NEO1: variants seen among roughly 807,000 people sequenced by gnomAD.
NEO1 encodes neogenin.
Under a neutral mutation model 159.7 loss-of-function variants are expected in NEO1, and 63 were observed. The ratio of observed to expected loss-of-function variants is 0.39; its 90% CI spans 0.32 to 0.49. NEO1 has a LOEUF of 0.49. Among genes scored for constraint, NEO1 ranks in the 20% least tolerant of loss-of-function variants. The pLI, the probability that NEO1 is intolerant of heterozygous loss-of-function variation, is 0.85. For missense variants in NEO1, 1,615 were observed against 1,831.0 expected (o/e 0.88, Z 2.15); for synonymous variants, 633 against 662.0 (o/e 0.96, Z 0.67).
chr15:73,261,634 C>T (rs1410305257), intron 15 of NEO1, among the ~76,000 whole-genome samples: 1 of 152,074 alleles, frequency 6.6e-6, no homozygotes, highest in East Asian at 1.9e-4. Flanking sequence ...AATATCTGTG[C>T]ACTGAAAATA....
Position 73,236,456 on chromosome 15 carries a change from C to G in NEO1, c.1401C>G (p.His467Gln). 1.2e-6 allele frequency: 2 copies of G among 1,614,110 alleles called. No individual in the cohort carries two copies. The highest frequency in any genetic ancestry group is 1.7e-6 in the Non-Finnish European group (2 of 1,180,006). ...LTWRTPASDP[H>Q]GDNLTYSVFY... ...GGCGGACACCTGCATCAGATCCTCA[C>G]GGAGACAACCTTACCTACTCTGTGT... The change falls in exon 8 of 29, where the codon CAC (histidine) becomes CAG (glutamine). Residue 467 changes from histidine (H) to glutamine (Q), a missense_variant. By Grantham distance (24) the His-to-Gln change is conservative. This residue lies in a region of NEO1 where 1,018 missense variants were observed against 1,115.4 expected (regional missense o/e 0.91). Coordinates refer to ENST00000261908, the MANE Select transcript of NEO1 (RefSeq NM_002499.4).
intron 4 of NEO1, among the ~76,000 whole-genome samples, chr15:73,127,245 G>A (rs866230919): frequency 3.6e-4 from 50 of 138,840 alleles, no homozygotes; most frequent in African/African-American, 4.6e-4. Context: ...AAAAAAAAAA[G>A]AAACTGTATT....
intron 4 of NEO1, among the ~76,000 whole-genome samples, chr15:73,130,178 T>C (rs573243776): frequency 6.6e-6 from 1 of 152,242 alleles, no homozygotes; most frequent in South Asian, 2.1e-4. Flanking sequence ...TTCACCATGT[T>C]GGCCAGGCTG....
chr15:73,172,018 T>G (rs1596249304), intron 5 of NEO1, among the ~76,000 whole-genome samples: 1 of 152,270 alleles, frequency 6.6e-6, no homozygotes, highest in East Asian at 1.9e-4. Context: ...CTTATAGAGG[T>G]ACTCATTTAT....
intron 1 of NEO1, among the ~76,000 whole-genome samples, chr15:73,056,155 C>G (rs1176607717): frequency 1.3e-5 from 2 of 152,198 alleles, no homozygotes; most frequent in Non-Finnish European, 2.9e-5. Context: ...TACCTCTGTT[C>G]TCCCAAACCC....
chr15:73,065,230 TTTAG>T (rs888283455), intron 1 of NEO1, among the ~76,000 whole-genome samples: 25 of 152,324 alleles, frequency 1.6e-4, no homozygotes, highest in African/African-American at 6.0e-4. Flanking sequence ...TTCATTTAGT[TTTAG>T]TTATTTAAAT....
At chr15:73,227,220 G>C (rs1041257612) in intron 7 of NEO1, among the ~76,000 whole-genome samples, 1 of 152,186 alleles carries the variant, frequency 6.6e-6, no homozygotes, top group Non-Finnish European at 1.5e-5. Flanking sequence ...GTCAGGCCGG[G>C]CGCAGTGGCT....
chr15:73,267,384 AT>A (rs943835730), intron 16 of NEO1, among the ~76,000 whole-genome samples: 16 of 152,144 alleles, frequency 1.1e-4, no homozygotes, highest in Admixed American at 2.6e-4. Context: ...AGAGTTATAA[AT>A]TTTTTTTCTT....
At chr15:73,259,078 C>T (rs2040497115) in intron 14 of NEO1, 1 of 500,654 alleles carries the variant, frequency 2.0e-6, no homozygotes, top group Non-Finnish European at 3.6e-6. Context: ...TCCTTTCAAG[C>T]AGAACTAGAG....
intron 7 of NEO1, among the ~76,000 whole-genome samples, chr15:73,215,934 A>AT (rs887548347): frequency 2.0e-5 from 3 of 150,910 alleles, no homozygotes; most frequent in Non-Finnish European, 4.4e-5. Flanking sequence ...TTTGTTGGTA[A>AT]TTTTTTTTTA....
intron 1 of NEO1, among the ~76,000 whole-genome samples, chr15:73,089,380 C>A (rs2069547921): frequency 6.6e-6 from 1 of 151,792 alleles, no homozygotes; most frequent in Admixed American, 6.6e-5. Context: ...ATCTCCTAGG[C>A]AATATTTTTT....
At chr15:73,242,052 G>A (rs1051274251) in intron 8 of NEO1, among the ~76,000 whole-genome samples, 5 of 152,096 alleles carry the variant, frequency 3.3e-5, no homozygotes, top group African/African-American at 4.8e-5. Flanking sequence ...TGCTTCTGTC[G>A]TACACGAACA....
chr15:73,122,531 C>T lies in NEO1; in HGVS notation c.455C>T (p.Pro152Leu). Residue 152 changes from proline to leucine, a missense_variant, in exon 3 of 29, where the codon CCA becomes CTA. This residue lies in a region of NEO1 where 1,018 missense variants were observed against 1,115.4 expected (regional missense o/e 0.91). Coordinates refer to ENST00000261908, the MANE Select transcript of NEO1 (RefSeq NM_002499.4). The stretch of plus-strand genomic sequence containing the variant: ...CTCTTCCTTTATTGTCCAGGTCTTC[C>T]AAGATTTACCAGCCAACCAGAACCT... Reference protein sequence around the residue: ...RTAKLIVAGLPRFTSQPEPSS... With the variant: ...RTAKLIVAGLLRFTSQPEPSS... 6.2e-7 allele frequency: 1 copy of T among 1,613,272 alleles called. No individual in the cohort carries two copies. The highest frequency in any genetic ancestry group is 8.5e-7 in the Non-Finnish European group (1 of 1,179,558).
At chr15:73,256,085 T>A (rs1373991235) in intron 13 of NEO1, 2 of 152,230 alleles carry the variant, frequency 1.3e-5, no homozygotes, top group Non-Finnish European at 1.5e-5. Context: ...ACTTTAACTT[T>A]CTTTATATTT....
chr15:73,299,652 T>C (rs2042534129), intron 27 of NEO1, among the ~76,000 whole-genome samples: 1 of 152,236 alleles, frequency 6.6e-6, no homozygotes, highest in Non-Finnish European at 1.5e-5. Context: ...CCCAAAGTGC[T>C]GGGAATATAG....
At chr15:73,120,533 A>G (rs998095184) in intron 2 of NEO1, among the ~76,000 whole-genome samples, 2 of 151,820 alleles carry the variant, frequency 1.3e-5, no homozygotes, top group East Asian at 3.9e-4. Flanking sequence ...AAAGAAACAT[A>G]TTGTTTTATT....
intron 1 of NEO1, among the ~76,000 whole-genome samples, chr15:73,095,472 G>A (rs945127938): frequency 1.3e-5 from 2 of 152,060 alleles, no homozygotes; most frequent in Admixed American, 1.3e-4. Flanking sequence ...ATTAGGAGTT[G>A]CAAAATAGTG....
At position 73,127,057 on chromosome 15, in the gene NEO1, C is replaced by T. The variant is rs565156067; in HGVS notation, c.878+487C>T. On this transcript the variant is annotated intron_variant, in intron 4 of 28. Transcript: ENST00000261908. ...CCATCCTGGCTAACACGGTGAAACCCCGTCTCTACTAAAAATACAAAAAAT... is the reference window on the plus strand; with the variant it reads ...CCATCCTGGCTAACACGGTGAAACCTCGTCTCTACTAAAAATACAAAAAAT... 2.6e-5 allele frequency among the ~76,000 whole-genome samples: 4 copies of T among 152,118 alleles called. No homozygotes were observed. The South Asian group carries it at 8.3e-4, about 32-fold the overall frequency.
intron 7 of NEO1, among the ~76,000 whole-genome samples, chr15:73,232,701 G>T (rs2038974449): frequency 6.6e-6 from 1 of 152,098 alleles, no homozygotes; most frequent in African/African-American, 2.4e-5. Flanking sequence ...TTGTTCCATG[G>T]CTAGTCTACC....
Sources: gnomAD v4.1 joint callset for allele counts (sites outside exome capture counted in the v4.1 genomes callset) on GRCh38, gnomAD v4.1.1 for gene constraint, gnomAD v4.1.1 regional missense constraint, MANE v1.5 for transcripts, NCBI Gene and HGNC (gene_info 2026-07-23, HGNC 2026-07-21) for gene names.